The following SEPTIN9 variants were observed in gnomAD, a reference collection of about 807,000 sequenced individuals.
SEPTIN9 encodes the protein septin 9.
Under a neutral mutation model 56.6 loss-of-function variants are expected in SEPTIN9, and 13 were observed. The observed-to-expected ratio is 0.23, with a 90% CI of 0.15 to 0.37. The LOEUF (loss-of-function observed/expected upper bound fraction) is 0.37. Among genes scored for constraint, SEPTIN9 ranks in the 10% least tolerant of loss-of-function variants. The pLI, the probability that SEPTIN9 is intolerant of heterozygous loss-of-function variation, is 1.00. For missense variants in SEPTIN9, 650 were observed against 823.1 expected, an observed-to-expected ratio of 0.79 and a Z score of 2.57; for synonymous variants, 332 against 334.1, an observed-to-expected ratio of 0.99 and a Z score of 0.07.
intron 1 of SEPTIN9, among the ~76,000 whole-genome samples, chr17:77,297,819 G>A (rs72880521): frequency 0.069 from 10,567 of 152,296 alleles, 554 homozygotes; most frequent in African/African-American, 0.14. Context: ...ACTAAGAGCT[G>A]TGGTGAGAAT....
At chr17:77,408,985 G>A (rs930036844) in intron 3 of SEPTIN9, among the ~76,000 whole-genome samples, 1 of 152,112 alleles carries the variant, frequency 6.6e-6, no homozygotes, top group African/African-American at 2.4e-5. Context: ...AGTTTGGATC[G>A]TGTCATGCCT....
At chr17:77,328,824 A>C (rs1308386102) in intron 2 of SEPTIN9, among the ~76,000 whole-genome samples, 2 of 152,206 alleles carry the variant, frequency 1.3e-5, no homozygotes, top group African/African-American at 2.4e-5. Context: ...AGGTGGTTTT[A>C]GATGAGGACT....
At position 77,318,050 on chromosome 17, in the gene SEPTIN9, CAATAAAATAA is replaced by C. The variant is rs113224602; in HGVS notation, c.76+10869_76+10878del. ...TGGGTGGCAGAGCGAGACTCTGTCT[CAATAAAATAA>C]AATAAAATAAAATAATAAATATAAT... is the stretch of plus-strand genomic sequence containing the variant. On this transcript the variant is annotated intron_variant, in intron 2 of 11. Coordinates refer to ENST00000427177, the MANE Select transcript of SEPTIN9 (RefSeq NM_001113491.2). This position sits in a 1 kb window ranked among gnomAD's most constrained non-coding sequence, Gnocchi z 4.9. Among the ~76,000 whole-genome samples the C allele has an allele frequency of 7.0e-4, 105 of 149,456 alleles. 1 individual carries two copies. Among genetic ancestry groups the C allele is most frequent in the African/African-American group, 2.5e-3 (102 of 40,906 alleles).
At position 77,390,476 on chromosome 17, in the gene SEPTIN9, G is replaced by A. The variant is rs1242565293; in HGVS notation, c.77-11583G>A. 2.2e-5 allele frequency among the ~76,000 whole-genome samples: 3 copies of A among 138,788 alleles called. No individual in the cohort carries two copies. The South Asian group carries it at 7.0e-4, about 32-fold the overall frequency. The allele number at this position is 138,788 out of a possible 152,430, so 91.1% of individuals were successfully genotyped here. On this transcript the variant is annotated intron_variant, in intron 2 of 11. Coordinates refer to ENST00000427177, the MANE Select transcript of SEPTIN9 (RefSeq NM_001113491.2). ...GCTTTTTTTTTTTTTTTTTGAGACG[G>A]AGTCTCGCTCTGTCGCCCAGGCTGG... is the stretch of plus-strand genomic sequence containing the variant.
chr17:77,477,845 TGA>T lies in SEPTIN9; in HGVS notation c.722-4295_722-4294del, dbSNP rs1276223320. On this transcript the variant is annotated intron_variant, in intron 3 of 11. Coordinates refer to ENST00000427177, the MANE Select transcript of SEPTIN9 (RefSeq NM_001113491.2). ...GTTACTGTCCAAATCAGAACCTTTC[TGA>T]GAGTCGACGTGGGTACTGCTGATAA... Among the ~76,000 whole-genome samples, 6 of 152,298 alleles carry T rather than the reference TGA, an allele frequency of 3.9e-5. No individual in the cohort carries two copies. The South Asian group carries it at 1.2e-3, about 32-fold the overall frequency.
At position 77,319,568 on chromosome 17, in the gene SEPTIN9, C is replaced by T. The variant is rs2032828787; in HGVS notation, c.76+12371C>T. The T allele has an allele frequency of 1.9e-6, 2 of 1,057,440 alleles. No individual in the cohort carries two copies. The highest frequency in any genetic ancestry group is 9.1e-5 in the South Asian group (2 of 21,886). 65.5% of individuals were successfully genotyped at this position (1,057,440 alleles called of 1,614,324 possible). On this transcript the variant is annotated intron_variant, in intron 2 of 11. Coordinates refer to ENST00000427177, the MANE Select transcript of SEPTIN9 (RefSeq NM_001113491.2). This position sits in a 1 kb window ranked among gnomAD's most constrained non-coding sequence, Gnocchi z 5.3. ...GGAGGGGGGTGACTTCTCAGGGTTC[C>T]TCCTGGGCAGGTGCTCCGGAACCTT...
rs2144409305 is a variant in SEPTIN9 at position 77,451,556 on chromosome 17, G to C, written c.722-30588G>C. 1.0e-6 allele frequency: 1 copy of C among 985,484 alleles called. No homozygotes were observed. The highest frequency in any genetic ancestry group is 4.7e-5 in the South Asian group (1 of 21,286). 61.0% of individuals were successfully genotyped at this position (985,484 alleles called of 1,614,324 possible). A position where few individuals can be genotyped will look rare whatever the true frequency, so the allele number is the denominator to read the frequency against. Reference sequence around the variant, plus strand: ...GAGTCCTGCTCCTTTGTTCTTCCCAGCCTTGCACCACTGGCTCGGGGGCTC... The same window carrying C: ...GAGTCCTGCTCCTTTGTTCTTCCCACCCTTGCACCACTGGCTCGGGGGCTC... On this transcript the variant is annotated intron_variant, in intron 3 of 11. Transcript: ENST00000427177. This position sits in a 1 kb window ranked among gnomAD's most constrained non-coding sequence, Gnocchi z 4.2.
At chr17:77,483,947 G>A (rs1230005058) in intron 4 of SEPTIN9, 1 of 152,350 alleles carries the variant, frequency 6.6e-6, no homozygotes, top group African/African-American at 2.4e-5. Flanking sequence ...TGCAGGCAAG[G>A]TGGAGGGGCA....
chr17:77,383,752 G>A (rs1481344290), intron 2 of SEPTIN9, among the ~76,000 whole-genome samples: 2 of 152,200 alleles, frequency 1.3e-5, no homozygotes, highest in East Asian at 1.9e-4. Context: ...GGGGATCTCC[G>A]AGGGTAGCCT....
At chr17:77,399,115 G>A (rs1366169459) in intron 2 of SEPTIN9, among the ~76,000 whole-genome samples, 2 of 152,186 alleles carry the variant, frequency 1.3e-5, no homozygotes, top group African/African-American at 2.4e-5. Flanking sequence ...AGAATGATCC[G>A]CTTGTGCACG....
chr17:77,330,039 CCTT>C lies in SEPTIN9; in HGVS notation c.76+22845_76+22847del, dbSNP rs1263477143. ...CCCCAGCTGGGGCTCCCTGTGCTCA[CCTT>C]CTGCTTCCTTCCTCTCCCTCGGAAT... On this transcript the variant is annotated intron_variant, in intron 2 of 11. Coordinates refer to ENST00000427177, the MANE Select transcript of SEPTIN9 (RefSeq NM_001113491.2). This position sits in a 1 kb window ranked among gnomAD's most constrained non-coding sequence, Gnocchi z 4.4. Among the ~76,000 whole-genome samples the C allele has an allele frequency of 2.0e-5, 3 of 152,210 alleles. No homozygotes were observed. The highest frequency in any genetic ancestry group is 4.4e-5 in the Non-Finnish European group (3 of 68,028).
Position 77,500,175 on chromosome 17 carries a change from A to T in SEPTIN9, c.*1517A>T. ...CAGCGAGAAGGAGTGTATGAGTGTG[A>T]GTGTGTGTGCATGGAAGTTGGGGCA... On this transcript the variant is annotated 3_prime_UTR_variant, in exon 12 of 12. Transcript: ENST00000427177. 4.3e-6 allele frequency: 1 copy of T among 232,802 alleles called. No homozygotes were observed. Among genetic ancestry groups the T allele is most frequent in the Non-Finnish European group, 8.5e-6 (1 of 117,602 alleles). 14.4% of individuals were successfully genotyped at this position (232,802 alleles called of 1,614,324 possible). A position where few individuals can be genotyped will look rare whatever the true frequency, so the allele number is the denominator to read the frequency against.
In SEPTIN9 at chr17:77,466,369, C is replaced by A. The variant is rs142824086; in HGVS notation, c.722-15775C>A. ...CCCCTCCCAGCCTTGGGAGAAATTA[C>A]CATATGAATGTAGCTCCTTCCCGGA... On this transcript the variant is annotated intron_variant, in intron 3 of 11. Coordinates refer to ENST00000427177, the MANE Select transcript of SEPTIN9 (RefSeq NM_001113491.2). The A allele has an allele frequency of 2.7e-5, 27 of 984,554 alleles. 1 individual carries two copies. In the East Asian group the frequency reaches 2.8e-3, roughly 103 times the overall value. The allele number at this position is 984,554 out of a possible 1,614,324, so 61.0% of individuals were successfully genotyped here.
intron 1 of SEPTIN9, among the ~76,000 whole-genome samples, chr17:77,283,405 G>T (rs1188064951): frequency 6.6e-6 from 1 of 152,034 alleles, no homozygotes; most frequent in Non-Finnish European, 1.5e-5. Context: ...GAGTGGGACT[G>T]GAGGGGGCTG....
intron 2 of SEPTIN9, among the ~76,000 whole-genome samples, chr17:77,381,583 G>A (rs887116444): frequency 6.6e-6 from 1 of 152,286 alleles, no homozygotes; most frequent in East Asian, 1.9e-4. Context: ...ACCAGGCCTG[G>A]AGGGGTGGTC....
At chr17:77,438,609 G>A (rs1275379033) in intron 3 of SEPTIN9, among the ~76,000 whole-genome samples, 3 of 152,190 alleles carry the variant, frequency 2.0e-5, no homozygotes, top group Non-Finnish European at 4.4e-5. Flanking sequence ...GGAGGAAGGA[G>A]GCCACAAGCC....
intron 2 of SEPTIN9, among the ~76,000 whole-genome samples, chr17:77,360,937 T>C (rs896736937): frequency 8.3e-6 from 1 of 120,482 alleles, no homozygotes; most frequent in African/African-American, 3.1e-5. Flanking sequence ...TTTTTTTTTT[T>C]TGAGACGGGG....
chr17:77,382,401 G>A (rs544701410), intron 2 of SEPTIN9, among the ~76,000 whole-genome samples: 6 of 152,230 alleles, frequency 3.9e-5, no homozygotes, highest in African/African-American at 1.4e-4. Context: ...AGCTGCCCTC[G>A]GCACTCAGGT....
chr17:77,359,549 T>C (rs771843335), intron 2 of SEPTIN9, among the ~76,000 whole-genome samples: 26 of 152,230 alleles, frequency 1.7e-4, no homozygotes, highest in Non-Finnish European at 3.5e-4. Flanking sequence ...TCCCAGCACT[T>C]TGTGAGGCTG....
Sources: allele counts gnomAD v4.1 joint callset (sites outside exome capture counted in the v4.1 genomes callset), GRCh38; gene constraint gnomAD v4.1.1; non-coding constraint Gnocchi (gnomAD v3.1); transcripts MANE v1.5; gene names NCBI Gene and HGNC (gene_info 2026-07-23, HGNC 2026-07-21).